The following GOLGA4 variants were observed in gnomAD, a reference collection of about 807,000 sequenced individuals.
The protein encoded by GOLGA4 is golgin subfamily A member 4.
GOLGA4 carries 169 observed loss-of-function variants against 265.9 expected under a neutral mutation model. That is an observed-to-expected ratio of 0.64 (90% CI 0.56 to 0.72). The LOEUF (loss-of-function observed/expected upper bound fraction) is 0.72, where lower values mean the gene tolerates loss of function less well. Among genes scored for constraint, GOLGA4 ranks in the 30% least tolerant of loss-of-function variants. GOLGA4 has a pLI of 0.00. For synonymous variants in GOLGA4, 923 were observed against 855.8 expected (o/e 1.08, Z -1.37); for missense variants, 2,482 against 2,483.4 (o/e 1.00, Z 0.01).
At chr3:37,274,275 C>T (rs1251972244) in intron 2 of GOLGA4, among the ~76,000 whole-genome samples, 1 of 151,996 alleles carries the variant, frequency 6.6e-6, no homozygotes, top group Non-Finnish European at 1.5e-5. Flanking sequence ...AAAGTATTCT[C>T]TACTTTAAAG....
At chr3:37,248,507 A>G (rs888883552) in intron 1 of GOLGA4, among the ~76,000 whole-genome samples, 1 of 152,234 alleles carries the variant, frequency 6.6e-6, no homozygotes, top group African/African-American at 2.4e-5. Context: ...TTAAGGAACC[A>G]GGCACCTGGG....
chr3:37,315,779 A>G (rs1420353505), intron 11 of GOLGA4, among the ~76,000 whole-genome samples, 181 bp downstream of exon 11: 3 of 152,160 alleles, frequency 2.0e-5, no homozygotes, highest in Non-Finnish European at 2.9e-5. Flanking sequence ...AATTCTTTGG[A>G]ACCTTTTAAG....
At chr3:37,275,242 GA>G (rs1300662121) in intron 2 of GOLGA4, among the ~76,000 whole-genome samples, 389 of 98,914 alleles carry the variant, frequency 3.9e-3, no homozygotes, top group Non-Finnish European at 5.3e-3. Flanking sequence ...AAAAAAAAAA[GA>G]AAAAAAAAAC....
intron 20 of GOLGA4, 74 bp downstream of exon 20, chr3:37,340,273 T>C: frequency 1.7e-6 from 1 of 593,890 alleles, no homozygotes; most frequent in Middle Eastern, 3.9e-4. Flanking sequence ...TTTATTTTTG[T>C]TTTTGCTAAT....
intron 14 of GOLGA4, among the ~76,000 whole-genome samples, 173 bp from the exon 15 acceptor site, chr3:37,328,233 GACACACACAC>G (rs4021346): frequency 5.1e-5 from 7 of 138,438 alleles, no homozygotes; most frequent in African/African-American, 1.1e-4. Flanking sequence ...TATGTACCTG[GACACACACAC>G]ACACACACAC....
chr3:37,310,324 G>A (rs1462395237), intron 10 of GOLGA4, among the ~76,000 whole-genome samples: 2 of 150,136 alleles, frequency 1.3e-5, no homozygotes, highest in East Asian at 3.9e-4. Flanking sequence ...AGTATCCTAA[G>A]AAGTGCTGGA....
chr3:37,286,134 C>CTTTTTTTTTTTTTTTTTTTT, intron 4 of GOLGA4, 73 bp downstream of exon 4: 1 of 145,648 alleles, frequency 6.9e-6, no homozygotes, highest in Non-Finnish European at 1.3e-5. Flanking sequence ...TAAGATATTT[C>CTTTTTTTTTTTTTTTTTTTT]TTTCTTTTTT....
chr3:37,301,258 G>A (rs921121407), intron 9 of GOLGA4, among the ~76,000 whole-genome samples: 2 of 152,112 alleles, frequency 1.3e-5, no homozygotes, highest in African/African-American at 2.4e-5. Context: ...TTCCCCTGCC[G>A]ACCTCCATTT....
In GOLGA4 at chr3:37,299,310, C is replaced by T; in HGVS notation, c.1025C>T (p.Thr342Ile). Residue 342 changes from threonine (T) to isoleucine (I), a missense_variant, in exon 9 of 24, where the codon ACT becomes ATT. This residue lies in a region of GOLGA4 where 1,536 missense variants were observed against 1,483.7 expected (regional missense o/e 1.04). Coordinates refer to ENST00000361924, the MANE Select transcript of GOLGA4 (RefSeq NM_002078.5). Reference protein sequence around the residue: ...KIKDLHMAEKTKLITQLRDAK... With the variant: ...KIKDLHMAEKIKLITQLRDAK... ...TAGGACCTTCATATGGCCGAGAAGA[C>T]TAAACTTATCACTCAGTTGCGTGAT... 6.2e-7 allele frequency: 1 copy of T among 1,612,444 alleles called. No individual in the cohort carries two copies. The highest frequency in any genetic ancestry group is 2.2e-5 in the East Asian group (1 of 44,836).
At chr3:37,280,660 T>C (rs897115504) in intron 2 of GOLGA4, among the ~76,000 whole-genome samples, 2 of 152,234 alleles carry the variant, frequency 1.3e-5, no homozygotes, top group African/African-American at 4.8e-5. Flanking sequence ...TGAACTTCTT[T>C]CCATATGTTA....
intron 21 of GOLGA4, among the ~76,000 whole-genome samples, chr3:37,353,082 C>T (rs1455677170): frequency 2.0e-5 from 3 of 151,936 alleles, no homozygotes; most frequent in Non-Finnish European, 4.4e-5. Context: ...GATGGGGGCT[C>T]AGCAGAACAC....
chr3:37,262,399 G>A (rs1450705496), intron 2 of GOLGA4, among the ~76,000 whole-genome samples: 5 of 151,950 alleles, frequency 3.3e-5, no homozygotes, highest in Non-Finnish European at 7.4e-5. Context: ...CCAGCTACTC[G>A]GGAGGCTGAA....
At chr3:37,274,087 G>A (rs2096806499) in intron 2 of GOLGA4, among the ~76,000 whole-genome samples, 2 of 142,584 alleles carry the variant, frequency 1.4e-5, no homozygotes, top group Admixed American at 7.1e-5. Context: ...GCAACAGAGT[G>A]AGGCTCTGTC....
chr3:37,365,799 CTT>C (rs376627490), intron 23 of GOLGA4, among the ~76,000 whole-genome samples: 2 of 129,816 alleles, frequency 1.5e-5, no homozygotes, highest in Non-Finnish European at 1.7e-5. Context: ...ACAATTTCTA[CTT>C]TTTTTTTTTT....
intron 2 of GOLGA4, among the ~76,000 whole-genome samples, chr3:37,260,753 A>ATT (rs893469972): frequency 6.6e-6 from 1 of 152,158 alleles, no homozygotes; most frequent in African/African-American, 2.4e-5. Flanking sequence ...TTCCCCCAGT[A>ATT]TTACACATGA....
At chr3:37,272,701 CT>C (rs1553605051) in intron 2 of GOLGA4, among the ~76,000 whole-genome samples, 3 of 152,204 alleles carry the variant, frequency 2.0e-5, no homozygotes, top group Non-Finnish European at 4.4e-5. Context: ...AGATATTTGC[CT>C]TTCCTTGGTC....
intron 3 of GOLGA4, among the ~76,000 whole-genome samples, chr3:37,285,286 C>T (rs578194111): frequency 3.7e-4 from 56 of 151,908 alleles, no homozygotes; most frequent in African/African-American, 1.0e-3. Context: ...CAGGCATGAG[C>T]CACTGCACCT....
chr3:37,291,851 C>G (rs372380953), intron 5 of GOLGA4, among the ~76,000 whole-genome samples: 1 of 151,948 alleles, frequency 6.6e-6, no homozygotes. Flanking sequence ...AATATTAATA[C>G]TTATCAGAGT....
At chr3:37,284,387 C>T (rs1018457386) in intron 3 of GOLGA4, among the ~76,000 whole-genome samples, 1 of 152,082 alleles carries the variant, frequency 6.6e-6, no homozygotes, top group Non-Finnish European at 1.5e-5. Context: ...TCTCCTGCCT[C>T]ACTCTACAGG....
Sources: gnomAD v4.1 joint callset for allele counts (sites outside exome capture counted in the v4.1 genomes callset) on GRCh38, gnomAD v4.1.1 for gene constraint, gnomAD v4.1.1 regional missense constraint, MANE v1.5 for transcripts, NCBI Gene and HGNC (gene_info 2026-07-23, HGNC 2026-07-21) for gene names.